Variants in DAPL1 observed in about 807,000 individuals in gnomAD.
DAPL1 encodes death-associated protein-like 1.
A neutral mutation model predicts 12.9 loss-of-function variants in DAPL1; 17 were observed. That is an observed-to-expected ratio of 1.32 (90% CI 0.90 to 1.98). DAPL1 has a LOEUF of 1.98. Ranked by LOEUF, DAPL1 falls within the 30% of genes most tolerant of loss-of-function variation. The probability of loss-of-function intolerance (pLI) is 0.00; values close to 1 mark genes in which losing one functional copy is unlikely to be tolerated. For missense variants in DAPL1, 157 were observed against 125.7 expected (o/e 1.25, Z -1.19); for synonymous variants, 51 against 42.0 (o/e 1.21, Z -0.82).
intron 3 of DAPL1, among the ~76,000 whole-genome samples, chr2:158,814,440 GA>G (rs1320055492): frequency 2.0e-5 from 3 of 151,926 alleles, no homozygotes. Flanking sequence ...CATTGTAAAA[GA>G]AAAAAAATTT....
At chr2:158,809,394 C>T (rs1315357595) in intron 3 of DAPL1, among the ~76,000 whole-genome samples, 5 of 140,298 alleles carry the variant, frequency 3.6e-5, no homozygotes, top group East Asian at 2.1e-4. Context: ...GAAACTATAC[C>T]TATTTTTTAA....
rs901737304 is a variant in DAPL1 at position 158,814,635 on chromosome 2, G to T, written c.208-1070G>T. On this transcript the variant is annotated intron_variant, in intron 3 of 3. Coordinates refer to ENST00000309950, the MANE Select transcript of DAPL1 (RefSeq NM_001017920.3). ...GGACTGCTGAGTGCCTAGGGCCTGG[G>T]CAGAGACATTTGAGAAGAGATGTAA... Among the ~76,000 whole-genome samples the T allele has an allele frequency of 3.9e-5, 6 of 152,210 alleles. No homozygotes were observed. The South Asian group carries it at 1.0e-3, about 26-fold the overall frequency.
At chr2:158,815,625 G>T (rs1193214407) in intron 3 of DAPL1, 80 bp from the exon 4 acceptor site, 6 of 859,428 alleles carry the variant, frequency 7.0e-6, no homozygotes, top group Non-Finnish European at 1.2e-5. Flanking sequence ...CTTGATCAAC[G>T]ATATCACTTT....
At chr2:158,806,448 C>A (rs932876268) in intron 2 of DAPL1, among the ~76,000 whole-genome samples, 1 of 152,086 alleles carries the variant, frequency 6.6e-6, no homozygotes, top group African/African-American at 2.4e-5. Context: ...TCCTTAGGGG[C>A]AGCTGGTTTG....
chr2:158,797,083 CT>C (rs1025024784), intron 1 of DAPL1, among the ~76,000 whole-genome samples: 4 of 152,114 alleles, frequency 2.6e-5, no homozygotes, highest in African/African-American at 7.2e-5. Context: ...TAATTTTTCA[CT>C]TGATTTTTAT....
At chr2:158,808,920 C>T (rs1332299779) in intron 3 of DAPL1, among the ~76,000 whole-genome samples, 1 of 152,176 alleles carries the variant, frequency 6.6e-6, no homozygotes, top group East Asian at 1.9e-4. Context: ...TTCTTATAGA[C>T]ATGTGATATG....
At chr2:158,797,756 A>C (rs1272573217) in intron 1 of DAPL1, among the ~76,000 whole-genome samples, 3 of 151,630 alleles carry the variant, frequency 2.0e-5, no homozygotes, top group Non-Finnish European at 4.4e-5. Flanking sequence ...ACGCCACTGC[A>C]CTCCAGCCTG....
chr2:158,815,595 A>C lies in DAPL1; in HGVS notation c.208-110A>C, dbSNP rs2059255535. 4 of 767,442 alleles carry C rather than the reference A, an allele frequency of 5.2e-6. No individual in the cohort carries two copies. The South Asian group carries it at 6.3e-5, about 12-fold the overall frequency. The allele number at this position is 767,442 out of a possible 1,614,324, so 47.5% of individuals were successfully genotyped here. A position where few individuals can be genotyped will look rare whatever the true frequency, so the allele number is the denominator to read the frequency against. On this transcript the variant is annotated intron_variant, in intron 3 of 3. Transcript: ENST00000309950. ...AAAAAAGAGATATTATCAAATAAAT[A>C]AACAAAATTGTGAGATTCCCTTGAT...
At chr2:158,804,467 G>A in intron 2 of DAPL1, 98 bp downstream of exon 2, 2 of 841,882 alleles carry the variant, frequency 2.4e-6, no homozygotes, top group Admixed American at 2.7e-5. Context: ...CTATGCCTTT[G>A]GAGGCAGCCA....
rs1376777699 is a variant in DAPL1, at chr2:158,807,075, A to G, written c.167A>G (p.Lys56Arg). The stretch of plus-strand genomic sequence containing the variant: ...CACAGTGCCATTGCAAATGTTGCCA[A>G]AATACAGACACTGGATGCCCTGAAT... ...EKTSAIANVA[K>R]IQTLDALNDA... is the part of the protein sequence containing the mutation. The change falls in exon 3 of 4, where the codon AAA becomes AGA. Residue 56 changes from lysine to arginine, a missense_variant. Coordinates refer to ENST00000309950, the MANE Select transcript of DAPL1 (RefSeq NM_001017920.3). 3.1e-6 allele frequency: 5 copies of G among 1,612,676 alleles called. No individual in the cohort carries two copies. Among genetic ancestry groups the G allele is most frequent in the Non-Finnish European group, 4.2e-6 (5 of 1,179,060 alleles).
intron 1 of DAPL1, among the ~76,000 whole-genome samples, chr2:158,798,032 C>T (rs1438450517): frequency 4.6e-5 from 7 of 152,066 alleles, no homozygotes; most frequent in Non-Finnish European, 8.8e-5. Context: ...TCAGAAGAAC[C>T]CCATTATATG....
Position 158,814,600 on chromosome 2 carries a change from C to T in DAPL1, c.208-1105C>T, listed in dbSNP as rs2059250456. Among the ~76,000 whole-genome samples the T allele has an allele frequency of 2.6e-5, 4 of 152,310 alleles. 1 individual carries two copies. The South Asian group carries it at 8.3e-4, about 32-fold the overall frequency. On this transcript the variant is annotated intron_variant, in intron 3 of 3. Coordinates refer to ENST00000309950, the MANE Select transcript of DAPL1 (RefSeq NM_001017920.3). ...GAAAGGACTTTTTGGAGTCACATTT[C>T]GTATGAAAGGGACTGCTGAGTGCCT... is the stretch of plus-strand genomic sequence containing the variant.
In DAPL1 at chr2:158,804,314, C is replaced by T. The variant is rs1366185575; in HGVS notation, c.91C>T (p.Gln31Ter). The change falls in exon 2 of 4, where the codon CAA becomes TAA. Residue 31 changes from glutamine to a stop codon, truncating the protein, a stop_gained. Coordinates refer to ENST00000309950, the MANE Select transcript of DAPL1 (RefSeq NM_001017920.3). LOFTEE classifies it high-confidence loss of function. ...TGGAGGAATGAGAATTTCCAAAAAACAAGAAATTGGCACCTTGGAAAGACA... is the reference window on the plus strand; with the variant it reads ...TGGAGGAATGAGAATTTCCAAAAAATAAGAAATTGGCACCTTGGAAAGACA... Reference protein sequence around the residue: ...KAGGMRISKKQEIGTLERHTK... With the variant: ...KAGGMRISKK 2 of 1,611,260 alleles carry T rather than the reference C, an allele frequency of 1.2e-6. No homozygotes were observed. The highest frequency in any genetic ancestry group is 1.7e-6 in the Non-Finnish European group (2 of 1,178,564).
Position 158,804,306 on chromosome 2 carries a change from C to G in DAPL1, c.83C>G (p.Ser28Cys), listed in dbSNP as rs1168750365. ...GTAAAAGCTGGAGGAATGAGAATTT[C>G]CAAAAAACAAGAAATTGGCACCTTG... The part of the protein sequence containing the change: ...PAVKAGGMRI[S>C]KKQEIGTLER... The change falls in exon 2 of 4, where the codon TCC becomes TGC. Residue 28 changes from serine to cysteine, a missense_variant. Physicochemically the swap from Ser to Cys is moderately radical, Grantham distance 112. Coordinates refer to ENST00000309950, the MANE Select transcript of DAPL1 (RefSeq NM_001017920.3). The G allele has an allele frequency of 1.2e-6, 2 of 1,610,492 alleles. No homozygotes were observed. The highest frequency in any genetic ancestry group is 1.7e-6 in the Non-Finnish European group (2 of 1,178,114).
At chr2:158,803,758 G>A (rs1156737932) in intron 1 of DAPL1, among the ~76,000 whole-genome samples, 1 of 152,142 alleles carries the variant, frequency 6.6e-6, no homozygotes, top group African/African-American at 2.4e-5. Context: ...GTGGGTATCT[G>A]GTAGAATCAG....
intron 3 of DAPL1, among the ~76,000 whole-genome samples, chr2:158,808,870 C>T (rs79649315): frequency 0.11 from 16,012 of 152,220 alleles, 1,019 homozygotes; most frequent in Non-Finnish European, 0.13. Flanking sequence ...AAAGGTTGGT[C>T]ATGCTGTGTA....
At chr2:158,799,920 T>G (rs1395105687) in intron 1 of DAPL1, among the ~76,000 whole-genome samples, 1 of 152,040 alleles carries the variant, frequency 6.6e-6, no homozygotes, top group Non-Finnish European at 1.5e-5. Flanking sequence ...ATGGTTTAGC[T>G]GGGTGTGGTG....
rs1021772546 is a variant in DAPL1 at position 158,803,535 on chromosome 2, G to A, written c.59-747G>A. On this transcript the variant is annotated intron_variant, in intron 1 of 3. Transcript: ENST00000309950. ...CAAATTTCCTGGGAACAGAAAAAAA[G>A]CATTTGCTTTGACTTGCTATCTTGA... 1.1e-4 allele frequency among the ~76,000 whole-genome samples: 16 copies of A among 152,338 alleles called. No individual in the cohort carries two copies. In the East Asian group the frequency reaches 2.5e-3, roughly 24 times the overall value.
intron 3 of DAPL1, among the ~76,000 whole-genome samples, chr2:158,811,854 G>A (rs6720329): frequency 0.072 from 11,005 of 152,262 alleles, 777 homozygotes; most frequent in African/African-American, 0.19. Flanking sequence ...CTAAAACACA[G>A]CTGGCTGTAG....
Sources: allele counts gnomAD v4.1 joint callset (sites outside exome capture counted in the v4.1 genomes callset), GRCh38; gene constraint gnomAD v4.1.1; transcripts MANE v1.5; gene names NCBI Gene and HGNC (gene_info 2026-07-23, HGNC 2026-07-21).